Variants in ATRN observed in about 807,000 individuals in gnomAD.
ATRN encodes attractin-2.
In ATRN, 54 loss-of-function variants were observed where a neutral mutation model predicts 178.7. The ratio of observed to expected loss-of-function variants is 0.30; its 90% CI spans 0.24 to 0.38. The LOEUF is 0.38. Among genes scored for constraint, ATRN ranks in the 10% least tolerant of loss-of-function variants. ATRN has a pLI of 1.00. For synonymous variants in ATRN, 636 were observed against 663.0 expected (o/e 0.96, Z 0.63); for missense variants, 1,443 against 1,815.1 (o/e 0.79, Z 3.73).
At chr20:3,618,418 G>T (rs1336713465) in intron 24 of ATRN, among the ~76,000 whole-genome samples, 1 of 152,190 alleles carries the variant, frequency 6.6e-6, no homozygotes, top group African/African-American at 2.4e-5. Flanking sequence ...CTTCAGAAGA[G>T]CAGAGGAAGA....
rs777336042 is a variant in ATRN, at chr20:3,471,509, C to T, written c.402C>T (p.Gly134=). Reference sequence around the variant, plus strand: ...GCGAGCAATGCCAGCACTGCGGGGGCCGCTTCAGGTGAGTGGCGGGTGGTG... The same window carrying T: ...GCGAGCAATGCCAGCACTGCGGGGGTCGCTTCAGGTGAGTGGCGGGTGGTG... ...WVGEQCQHCG[G]RFRLTGSSGF... is the part of the protein sequence containing the mutation. Residue 134 remains glycine (G), a synonymous_variant, in exon 1 of 29, where the codon GGC becomes GGT. Transcript: ENST00000262919. 2.6e-5 allele frequency: 37 copies of T among 1,402,402 alleles called. No homozygotes were observed. Among genetic ancestry groups the T allele is most frequent in the Middle Eastern group, 2.0e-4 (1 of 5,028 alleles). 86.9% of individuals were successfully genotyped at this position (1,402,402 alleles called of 1,614,324 possible). A position where few individuals can be genotyped will look rare whatever the true frequency, so the allele number is the denominator to read the frequency against.
chr20:3,568,188 G>T (rs2086065320), intron 11 of ATRN, among the ~76,000 whole-genome samples: 1 of 151,970 alleles, frequency 6.6e-6, no homozygotes, highest in Non-Finnish European at 1.5e-5. Context: ...CTTCTCGGGA[G>T]GCTGAGGCAG....
chr20:3,520,245 A>G (rs986307742), intron 1 of ATRN, among the ~76,000 whole-genome samples: 3 of 152,150 alleles, frequency 2.0e-5, no homozygotes, highest in Admixed American at 6.5e-5. Context: ...GTCATAGAGT[A>G]GAGAGGGAAG....
intron 1 of ATRN, among the ~76,000 whole-genome samples, chr20:3,483,709 T>C (rs1195250499): frequency 6.6e-6 from 1 of 152,202 alleles, no homozygotes; most frequent in Non-Finnish European, 1.5e-5. Flanking sequence ...AGGGTAGTGA[T>C]CTTCAGTCTT....
intron 27 of ATRN, among the ~76,000 whole-genome samples, chr20:3,641,228 C>A (rs2146326577): frequency 6.6e-6 from 1 of 152,178 alleles, no homozygotes; most frequent in South Asian, 2.1e-4. Context: ...CTTAATACCA[C>A]TGAACTGTAC....
chr20:3,560,853 T>C lies in ATRN; in HGVS notation c.1395T>C (p.Phe465=). 2 of 1,614,166 alleles carry C rather than the reference T, an allele frequency of 1.2e-6. No individual in the cohort carries two copies. The highest frequency in any genetic ancestry group is 1.7e-6 in the Non-Finnish European group (2 of 1,180,020). Residue 465 remains phenylalanine (F), a synonymous_variant, in exon 8 of 29, where the codon TTT becomes TTC. Transcript: ENST00000262919. The stretch of plus-strand genomic sequence containing the variant: ...GCCGAGTGGTCATGCTGGTCATCTT[T>C]GGTCACTGCCCTCTCTATGGATATA... ...KNGRVVMLVI[F]GHCPLYGYIS... is the part of the protein sequence containing the mutation.
At chr20:3,561,215 C>G (rs1336146501) in intron 8 of ATRN, among the ~76,000 whole-genome samples, 1 of 152,176 alleles carries the variant, frequency 6.6e-6, no homozygotes, top group Non-Finnish European at 1.5e-5. Context: ...CCCAGCAACT[C>G]AGGAGGCTGA....
intron 1 of ATRN, among the ~76,000 whole-genome samples, chr20:3,500,325 C>T (rs1389341256): frequency 1.3e-5 from 2 of 152,120 alleles, no homozygotes; most frequent in Non-Finnish European, 2.9e-5. Flanking sequence ...CCAGCCATCC[C>T]ATTACTGGGT....
At chr20:3,479,500 G>T (rs2084587123) in intron 1 of ATRN, among the ~76,000 whole-genome samples, 1 of 152,178 alleles carries the variant, frequency 6.6e-6, no homozygotes, top group Non-Finnish European at 1.5e-5. Flanking sequence ...GAGGTTTAGT[G>T]TGAGTAGACC....
intron 18 of ATRN, among the ~76,000 whole-genome samples, chr20:3,589,719 C>G (rs1334791987): frequency 6.6e-6 from 1 of 151,512 alleles, no homozygotes; most frequent in Non-Finnish European, 1.5e-5. Flanking sequence ...GTATGATGTC[C>G]TGGAAAAGCT....
chr20:3,580,977 C>T (rs149182418), intron 15 of ATRN, among the ~76,000 whole-genome samples: 5,812 of 152,206 alleles, frequency 0.038, 148 homozygotes, highest in Non-Finnish European at 0.056. Flanking sequence ...TGTGGTGGCT[C>T]CTGCCTGTAA....
intron 1 of ATRN, among the ~76,000 whole-genome samples, chr20:3,487,302 C>T (rs570820113): frequency 2.6e-5 from 4 of 152,154 alleles, no homozygotes; most frequent in East Asian, 1.9e-4. Context: ...GGCATGATCT[C>T]GGCTCACTGC....
intron 1 of ATRN, among the ~76,000 whole-genome samples, chr20:3,510,312 G>T (rs1310374631): frequency 6.6e-6 from 1 of 152,118 alleles, no homozygotes; most frequent in Non-Finnish European, 1.5e-5. Flanking sequence ...AAATATTGTT[G>T]GCTTTGTCTG....
intron 1 of ATRN, among the ~76,000 whole-genome samples, chr20:3,519,415 T>C (rs2085257323): frequency 6.6e-6 from 1 of 152,194 alleles, no homozygotes. Flanking sequence ...AATAACTTTC[T>C]GGAGCTGAAA....
chr20:3,577,270 T>C (rs1198400266), intron 14 of ATRN, among the ~76,000 whole-genome samples: 5 of 152,182 alleles, frequency 3.3e-5, no homozygotes, highest in Non-Finnish European at 7.3e-5. Context: ...CTGCTCCTTG[T>C]CTCTTTCCCA....
intron 27 of ATRN, 64 bp from the exon 28 acceptor site, chr20:3,644,090 T>C: frequency 8.1e-7 from 1 of 1,238,520 alleles, no homozygotes. Flanking sequence ...CAAATGACCG[T>C]TAAGTTGTCC....
intron 27 of ATRN, among the ~76,000 whole-genome samples, chr20:3,643,272 C>T (rs1000190675): frequency 6.6e-6 from 1 of 152,170 alleles, no homozygotes; most frequent in East Asian, 1.9e-4. Flanking sequence ...CTGTCTCTCT[C>T]GGCAGAGAAC....
rs1446345279 is a variant in ATRN at position 3,490,553 on chromosome 20, C to T, written c.410+19036C>T. 36 of 1,104,222 alleles carry T rather than the reference C, an allele frequency of 3.3e-5. No individual in the cohort carries two copies. The Admixed American group carries it at 5.4e-4, about 17-fold the overall frequency. 68.4% of individuals were successfully genotyped at this position (1,104,222 alleles called of 1,614,324 possible). A position where few individuals can be genotyped will look rare whatever the true frequency, so the allele number is the denominator to read the frequency against. On this transcript the variant is annotated intron_variant, in intron 1 of 28. Coordinates refer to ENST00000262919, the MANE Select transcript of ATRN (RefSeq NM_139321.3). ...AGGTATGTGATATAATCCAGCTTCTCAGATGCCTTCACGTTAATGTACTTG... is the reference window on the plus strand; with the variant it reads ...AGGTATGTGATATAATCCAGCTTCTTAGATGCCTTCACGTTAATGTACTTG...
At chr20:3,473,644 G>A (rs944202622) in intron 1 of ATRN, among the ~76,000 whole-genome samples, 2 of 152,212 alleles carry the variant, frequency 1.3e-5, no homozygotes, top group Non-Finnish European at 2.9e-5. Flanking sequence ...CATTTGAGAA[G>A]CTTCCAAGGT....
Sources: gnomAD v4.1 joint callset for allele counts (sites outside exome capture counted in the v4.1 genomes callset) on GRCh38, gnomAD v4.1.1 for gene constraint, MANE v1.5 for transcripts, NCBI Gene and HGNC (gene_info 2026-07-23, HGNC 2026-07-21) for gene names.